The following ANKRD45 variants were observed in gnomAD, a reference collection of about 807,000 sequenced individuals.
The protein encoded by ANKRD45 is ankyrin repeat domain-containing protein 45.
A neutral mutation model predicts 28.1 loss-of-function variants in ANKRD45; 21 were observed. The observed-to-expected ratio is 0.75, with a 90% confidence interval of 0.53 to 1.08. The LOEUF (loss-of-function observed/expected upper bound fraction) is 1.08, where lower values mean the gene tolerates loss of function less well. ANKRD45 is among the 50% of genes least tolerant of loss of function. The pLI is 0.00. For synonymous variants in ANKRD45, 86 were observed against 103.9 expected (o/e 0.83, Z 1.05); for missense variants, 261 against 308.7 (o/e 0.85, Z 1.16).
At chr1:173,655,210 G>T (rs1669444470) in intron 2 of ANKRD45, among the ~76,000 whole-genome samples, 1 of 152,158 alleles carries the variant, frequency 6.6e-6, no homozygotes. Flanking sequence ...TTTCTGCTCG[G>T]TTTCTCCCCA....
the ANKRD45 span, among the ~76,000 whole-genome samples, chr1:173,683,944 G>C: frequency 6.6e-6 from 1 of 152,186 alleles, no homozygotes; most frequent in African/African-American, 2.4e-5. Context: ...CCTGACACAT[G>C]TGGCCCTTCC....
At chr1:173,711,118 A>G in the ANKRD45 span, among the ~76,000 whole-genome samples, 2 of 152,280 alleles carry the variant, frequency 1.3e-5, no homozygotes, top group Non-Finnish European at 2.9e-5. Context: ...GAAACAAGAT[A>G]TAATTTTTGA....
chr1:173,692,384 T>C, the ANKRD45 span, among the ~76,000 whole-genome samples: 9 of 152,030 alleles, frequency 5.9e-5, no homozygotes, highest in Non-Finnish European at 1.0e-4. Context: ...AGGTCATAGG[T>C]AGGTAAGAGA....
the ANKRD45 span, among the ~76,000 whole-genome samples, chr1:173,681,922 C>T: frequency 1.3e-5 from 2 of 151,714 alleles, no homozygotes; most frequent in African/African-American, 4.8e-5. Flanking sequence ...TGGTGGCACG[C>T]ACCTATAGTC....
chr1:173,703,631 C>T, the ANKRD45 span, among the ~76,000 whole-genome samples: 1 of 152,234 alleles, frequency 6.6e-6, no homozygotes, highest in African/African-American at 2.4e-5. Flanking sequence ...TAAATTCTAA[C>T]CTTGAACCAT....
chr1:173,657,470 G>GAAA, intron 2 of ANKRD45: 1 of 141,054 alleles, frequency 7.1e-6, no homozygotes, highest in South Asian at 1.8e-4. Flanking sequence ...TCTGTCTCAA[G>GAAA]AAAAAAAAAA....
the ANKRD45 span, among the ~76,000 whole-genome samples, chr1:173,694,230 C>T: frequency 6.6e-6 from 1 of 151,982 alleles, no homozygotes; most frequent in East Asian, 1.9e-4. Flanking sequence ...GTGGCATGAT[C>T]TTGGCTCACT....
rs986258788 is a variant in ANKRD45, at chr1:173,609,985, G to A, written c.*160C>T. The A allele has an allele frequency of 1.7e-5, 12 of 704,854 alleles. No individual in the cohort carries two copies. Among genetic ancestry groups the A allele is most frequent in the East Asian group, 1.1e-4 (4 of 36,908 alleles). The allele number at this position is 704,854 out of a possible 1,614,324, so 43.7% of individuals were successfully genotyped here. A position where few individuals can be genotyped will look rare whatever the true frequency, so the allele number is the denominator to read the frequency against. The stretch of plus-strand genomic sequence containing the variant: ...AGGAGCAGAGGCGAGGCCAGAGTCC[G>A]GACATAAGCATGCTGAACAGGTCAA... On this transcript the variant is annotated 3_prime_UTR_variant, in exon 6 of 6. Coordinates refer to ENST00000333279, the MANE Select transcript of ANKRD45 (RefSeq NM_198493.3).
At chr1:173,653,063 A>ATTTTTT (rs563383422) in intron 2 of ANKRD45, among the ~76,000 whole-genome samples, 1 of 151,940 alleles carries the variant, frequency 6.6e-6, no homozygotes, top group East Asian at 1.9e-4. Flanking sequence ...GTATTCATTG[A>ATTTTTT]TTTTTTTGAA....
the ANKRD45 span, among the ~76,000 whole-genome samples, chr1:173,688,526 TCCTCTCTCTC>T: frequency 0.056 from 4,704 of 84,518 alleles, 558 homozygotes; most frequent in African/African-American, 0.22. Context: ...CTTTGCCTCT[TCCTCTCTCTC>T]CCTCTCTCTC....
intron 5 of ANKRD45, among the ~76,000 whole-genome samples, chr1:173,617,069 G>A (rs758495979): frequency 1.4e-4 from 22 of 152,010 alleles, no homozygotes; most frequent in South Asian, 6.2e-4. Flanking sequence ...CACCGATCAC[G>A]AGATCCCCTC....
At chr1:173,702,041 C>T in the ANKRD45 span, among the ~76,000 whole-genome samples, 2 of 152,230 alleles carry the variant, frequency 1.3e-5, no homozygotes, top group East Asian at 1.9e-4. Flanking sequence ...ACAAAGTACA[C>T]TGGTGAACAC....
At chr1:173,696,699 G>A in the ANKRD45 span, among the ~76,000 whole-genome samples, 1 of 152,118 alleles carries the variant, frequency 6.6e-6, no homozygotes, top group Non-Finnish European at 1.5e-5. Context: ...TTGAAGTTGA[G>A]TAATGTGATG....
chr1:173,621,503 T>C lies in ANKRD45; in HGVS notation c.730+3284A>G, dbSNP rs140452075. 4.8e-3 allele frequency among the ~76,000 whole-genome samples: 729 copies of C among 152,302 alleles called. 5 individuals are homozygous for C. Among genetic ancestry groups the C allele is most frequent in the African/African-American group, 0.017 (694 of 41,556 alleles). On this transcript the variant is annotated intron_variant, in intron 5 of 5. Coordinates refer to ENST00000333279, the MANE Select transcript of ANKRD45 (RefSeq NM_198493.3). The stretch of plus-strand genomic sequence containing the variant: ...TCCAGGATGCAAGGTTGGTTCAGCA[T>C]ACACAAATCAATAAATGTAATTCAT...
chr1:173,637,008 G>A, intron 3 of ANKRD45: 1 of 1,534,498 alleles, frequency 6.5e-7, no homozygotes, highest in Non-Finnish European at 8.7e-7. Context: ...AAGAAGAAGA[G>A]TAAAGAAGAA....
At chr1:173,687,883 G>C in the ANKRD45 span, among the ~76,000 whole-genome samples, 2,189 of 152,096 alleles carry the variant, frequency 0.014, 25 homozygotes, top group Middle Eastern at 0.058. Context: ...CCTGAAGGGA[G>C]TTCCTCCTAG....
At chr1:173,629,540 C>G (rs1272589830) in intron 3 of ANKRD45, among the ~76,000 whole-genome samples, 1 of 151,646 alleles carries the variant, frequency 6.6e-6, no homozygotes, top group Non-Finnish European at 1.5e-5. Context: ...AGTCTCTTAA[C>G]AGTAGAATTG....
intron 3 of ANKRD45, among the ~76,000 whole-genome samples, chr1:173,627,761 G>A (rs1333268884): frequency 1.3e-5 from 2 of 151,996 alleles, no homozygotes; most frequent in African/African-American, 2.4e-5. Context: ...CAGTGGACTT[G>A]GGGTGCACAT....
the ANKRD45 span, among the ~76,000 whole-genome samples, chr1:173,676,339 A>G: frequency 2.0e-5 from 3 of 152,250 alleles, no homozygotes; most frequent in Admixed American, 6.5e-5. Context: ...TTTTGTTCAT[A>G]GGAGTACACT....
Sources: allele counts gnomAD v4.1 joint callset (sites outside exome capture counted in the v4.1 genomes callset), GRCh38; gene constraint gnomAD v4.1.1; transcripts MANE v1.5; gene names NCBI Gene and HGNC (gene_info 2026-07-23, HGNC 2026-07-21).